The following FUBP1 variants were observed in gnomAD, a reference collection of about 807,000 sequenced individuals.
FUBP1 encodes the protein far upstream element binding protein 1.
FUBP1 carries 16 observed loss-of-function variants against 94.9 expected under a neutral mutation model. The ratio of observed to expected loss-of-function variants is 0.17; its 90% CI spans 0.11 to 0.26. The LOEUF (loss-of-function observed/expected upper bound fraction) is 0.26, where lower values mean the gene tolerates loss of function less well. Ranked by LOEUF, FUBP1 falls within the 10% of genes least tolerant of loss-of-function variation. The pLI, the probability that FUBP1 is intolerant of heterozygous loss-of-function variation, is 1.00. For missense variants in FUBP1, 583 were observed against 808.6 expected (o/e 0.72, Z 3.38); for synonymous variants, 279 against 254.9 (o/e 1.09, Z -0.90).
intron 1 of FUBP1, among the ~76,000 whole-genome samples, chr1:77,970,477 T>C (rs961738987): frequency 2.6e-5 from 4 of 152,204 alleles, no homozygotes; most frequent in African/African-American, 9.7e-5. Flanking sequence ...AGTGTAAAAT[T>C]ACTCACTGAA....
At chr1:77,975,485 T>C (rs1244693334) in intron 1 of FUBP1, among the ~76,000 whole-genome samples, 2 of 152,202 alleles carry the variant, frequency 1.3e-5, no homozygotes, top group Admixed American at 1.3e-4. Context: ...TAAATCACTT[T>C]TATAACTGTC....
chr1:77,977,324 T>C (rs1658821413), intron 1 of FUBP1, among the ~76,000 whole-genome samples: 1 of 151,868 alleles, frequency 6.6e-6, no homozygotes, highest in African/African-American at 2.4e-5. Flanking sequence ...GCCAGCATGG[T>C]GAAACCCTGT....
rs6689686 is a variant in FUBP1 at position 77,958,282 on chromosome 1, G to A, written c.1577-1582C>T. 3.6e-3 allele frequency among the ~76,000 whole-genome samples: 541 copies of A among 152,124 alleles called. 2 individuals are homozygous for A. The highest frequency in any genetic ancestry group is 0.012 in the African/African-American group (503 of 41,498). The stretch of plus-strand genomic sequence containing the variant: ...AATTTACTAAATATTCACTCAACCC[G>A]ATTCATTCATTTATTAATTTATAGA... On this transcript the variant is annotated intron_variant, in intron 16 of 19. Transcript: ENST00000370768.
At chr1:77,958,906 TTAAGAG>T (rs1396415043) in intron 16 of FUBP1, among the ~76,000 whole-genome samples, 1 of 152,160 alleles carries the variant, frequency 6.6e-6, no homozygotes, top group Admixed American at 6.6e-5. Flanking sequence ...AAATTAGTTG[TTAAGAG>T]TATTATATCC....
rs112838355 is a variant in FUBP1 at position 77,964,321 on chromosome 1, T to A, written c.873A>T (p.Ile291=). Residue 291 remains isoleucine (I), a synonymous_variant, in exon 11 of 20, where the codon ATA becomes ATT. Coordinates refer to ENST00000370768, the MANE Select transcript of FUBP1 (RefSeq NM_003902.5). ...PIPRFAVGIV[I]GRNGEMIKKI... ...TTTTGATCATCTCTCCATTTCTTCCTATTACAATGCCAACAGCAAATCTTG... is the reference window on the plus strand; with the variant it reads ...TTTTGATCATCTCTCCATTTCTTCCAATTACAATGCCAACAGCAAATCTTG... 6.2e-7 allele frequency: 1 copy of A among 1,604,864 alleles called. No individual in the cohort carries two copies. The highest frequency in any genetic ancestry group is 8.5e-7 in the Non-Finnish European group (1 of 1,177,294).
chr1:77,965,257 G>C (rs1656261723), intron 7 of FUBP1, 26 bp from the exon 8 acceptor site: 1 of 1,521,426 alleles, frequency 6.6e-7, no homozygotes, highest in Admixed American at 1.7e-5. Flanking sequence ...TATTTAAATA[G>C]TAAGCTGTAG....
At chr1:77,966,140 A>T (rs995729671) in intron 7 of FUBP1, among the ~76,000 whole-genome samples, 3 of 152,274 alleles carry the variant, frequency 2.0e-5, no homozygotes, top group Admixed American at 1.3e-4. Context: ...ACAAAAGGAA[A>T]GCAATTACCT....
Position 77,978,902 on chromosome 1 carries a change from G to A in FUBP1, c.103C>T (p.Leu35=), listed in dbSNP as rs748856679. 14 of 1,613,880 alleles carry A rather than the reference G, an allele frequency of 8.7e-6. No individual in the cohort carries two copies. Among genetic ancestry groups the A allele is most frequent in the East Asian group, 2.2e-5 (1 of 44,852 alleles). The change falls in exon 1 of 20, where the codon CTG becomes TTG. Residue 35 remains leucine, a synonymous_variant. Coordinates refer to ENST00000370768, the MANE Select transcript of FUBP1 (RefSeq NM_003902.5). ...GGVNDAFKDA[L]QRARQIAAKI... ...ACACTTACCTGCCGGGCTCTCTGCA[G>A]TGCATCTTTGAAAGCGTCGTTAACT...
At chr1:77,973,167 C>T (rs1342817191) in intron 1 of FUBP1, among the ~76,000 whole-genome samples, 1 of 152,148 alleles carries the variant, frequency 6.6e-6, no homozygotes, top group Non-Finnish European at 1.5e-5. Context: ...ATATTCAACT[C>T]CTTTTTCAGA....
At chr1:77,959,507 T>G (rs1453552496) in intron 16 of FUBP1, among the ~76,000 whole-genome samples, 1 of 152,048 alleles carries the variant, frequency 6.6e-6, no homozygotes, top group African/African-American at 2.4e-5. Flanking sequence ...AACACTCTGT[T>G]GGACTGTTAT....
Position 77,964,980 on chromosome 1 carries a change from A to G in FUBP1, c.637-12T>C. ...ACTCCAGCCCGTTCCTGTTACAATC[A>G]TAGAAATAATATATATTAACAAAAG... On this transcript the variant is annotated splice_polypyrimidine_tract_variant and intron_variant, in intron 8 of 19. Transcript: ENST00000370768. 6.2e-7 allele frequency: 1 copy of G among 1,602,014 alleles called. No homozygotes were observed. Among genetic ancestry groups the G allele is most frequent in the Non-Finnish European group, 8.6e-7 (1 of 1,169,154 alleles).
chr1:77,967,636 T>A lies in FUBP1; in HGVS notation c.281A>T (p.Gln94Leu). The A allele has an allele frequency of 6.3e-7, 1 of 1,594,604 alleles. No homozygotes were observed. The highest frequency in any genetic ancestry group is 8.6e-7 in the Non-Finnish European group (1 of 1,166,270). Residue 94 changes from glutamine to leucine, a missense_variant, in exon 4 of 20, where the codon CAG becomes CTG. Transcript: ENST00000370768. ...SFGTQLPPMH[Q>L]QQSRSVMTEE... The stretch of plus-strand genomic sequence containing the variant: ...AATCTTGTGACTATACCTTTGCTGC[T>A]GATGCATCGGTGGTAACTGTGTTCC...
In FUBP1 at chr1:77,948,736, T is replaced by G; in HGVS notation, c.*30A>C. The G allele has an allele frequency of 3.1e-6, 5 of 1,599,632 alleles. No individual in the cohort carries two copies. Among genetic ancestry groups the G allele is most frequent in the Non-Finnish European group, 4.3e-6 (5 of 1,174,654 alleles). On this transcript the variant is annotated 3_prime_UTR_variant, in exon 20 of 20. Transcript: ENST00000370768. ...ACAAAGGTTTTTTTCCCCCACACAA[T>G]GAAGCAAATACTGTATTGTCCACTT...
intron 2 of FUBP1, chr1:77,969,120 C>T (rs1214688646): frequency 1.3e-6 from 1 of 788,740 alleles, no homozygotes; most frequent in African/African-American, 1.8e-5. Flanking sequence ...TTACATACAA[C>T]ATCTGAAGCA....
In FUBP1 at chr1:77,965,164, C is replaced by T. The variant is rs750396781; in HGVS notation, c.541G>A (p.Asp181Asn). 3.7e-6 allele frequency: 6 copies of T among 1,612,172 alleles called. No individual in the cohort carries two copies. The highest frequency in any genetic ancestry group is 4.5e-5 in the East Asian group (2 of 44,836). ...GRPAPGFHHGDGPGNAVQEIM... is the reference protein window; with the variant it reads ...GRPAPGFHHGNGPGNAVQEIM... ...TCTTGAACTGCATTTCCCGGTCCAT[C>T]GCCATGATGGAAGCCAGGAGCTGGT... Residue 181 changes from aspartate to asparagine, a missense_variant, in exon 8 of 20, where the codon GAT becomes AAT. Asp to Asn is a conservative substitution (Grantham distance 23, BLOSUM62 1). Transcript: ENST00000370768.
intron 17 of FUBP1, among the ~76,000 whole-genome samples, chr1:77,955,799 G>A (rs1317554492): frequency 6.6e-6 from 1 of 152,102 alleles, no homozygotes; most frequent in African/African-American, 2.4e-5. Context: ...GTTGAAAGAA[G>A]CTAGAAGCAA....
At chr1:77,966,287 T>C (rs989340311) in intron 7 of FUBP1, among the ~76,000 whole-genome samples, 8 of 152,198 alleles carry the variant, frequency 5.3e-5, no homozygotes, top group South Asian at 2.1e-4. Flanking sequence ...TGCTGAAGAT[T>C]TGGAGGTGGG....
intron 16 of FUBP1, among the ~76,000 whole-genome samples, chr1:77,957,772 G>A (rs1654741353): frequency 6.6e-6 from 1 of 151,176 alleles, no homozygotes; most frequent in South Asian, 2.1e-4. Context: ...CCAATGTACT[G>A]CTTTTTTATG....
At chr1:77,967,501 G>T in intron 4 of FUBP1, 126 bp downstream of exon 4, 1 of 665,572 alleles carries the variant, frequency 1.5e-6, no homozygotes, top group Non-Finnish European at 2.6e-6. Flanking sequence ...CCCAAGGGGA[G>T]TGATATGAAC....
Sources: allele counts gnomAD v4.1 joint callset (sites outside exome capture counted in the v4.1 genomes callset), GRCh38; gene constraint gnomAD v4.1.1; transcripts MANE v1.5; gene names NCBI Gene and HGNC (gene_info 2026-07-23, HGNC 2026-07-21).